The following NRP1 variants were observed in gnomAD, a reference collection of about 807,000 sequenced individuals.
NRP1 encodes neuropilin-1.
NRP1 carries 35 observed loss-of-function variants against 106.7 expected under a neutral mutation model. The ratio of observed to expected loss-of-function variants is 0.33; its 90% CI spans 0.25 to 0.43. NRP1 has a LOEUF of 0.43. NRP1 is among the 20% of genes least tolerant of loss of function. The probability of loss-of-function intolerance (pLI) is 1.00; values close to 1 mark genes in which losing one functional copy is unlikely to be tolerated. For synonymous variants in NRP1, 437 were observed against 417.9 expected, an observed-to-expected ratio of 1.05 and a Z score of -0.56; for missense variants, 1,024 against 1,170.4, an observed-to-expected ratio of 0.87 and a Z score of 1.83.
At chr10:33,223,502 C>A (rs957934013) in intron 7 of NRP1, among the ~76,000 whole-genome samples, 1 of 151,874 alleles carries the variant, frequency 6.6e-6, no homozygotes, top group Middle Eastern at 3.4e-3. Context: ...GTGGTGCATG[C>A]CTGTGGTCTC....
At chr10:33,214,454 C>G (rs1838588487) in intron 8 of NRP1, among the ~76,000 whole-genome samples, 1 of 152,094 alleles carries the variant, frequency 6.6e-6, no homozygotes. Flanking sequence ...TTCCGTTTTG[C>G]TGCCAAATCC....
chr10:33,297,156 G>A (rs1324980400), intron 2 of NRP1, among the ~76,000 whole-genome samples: 1 of 152,180 alleles, frequency 6.6e-6, no homozygotes, highest in African/African-American at 2.4e-5. Context: ...TTAAGTTATG[G>A]TAAATTTAGT....
intron 1 of NRP1, among the ~76,000 whole-genome samples, chr10:33,333,921 A>G (rs1848450425): frequency 6.6e-6 from 1 of 152,360 alleles, no homozygotes; most frequent in South Asian, 2.1e-4. Flanking sequence ...GGAACCAGGA[A>G]GTAAGATCTC....
intron 6 of NRP1, among the ~76,000 whole-genome samples, chr10:33,252,148 C>T (rs1841911748): frequency 6.6e-6 from 1 of 152,060 alleles, no homozygotes; most frequent in Non-Finnish European, 1.5e-5. Context: ...GAGAGCCCAC[C>T]GGTAGAAGAG....
At chr10:33,180,458 T>C in intron 16 of NRP1, 93 bp from the exon 17 acceptor site, 7 of 1,268,626 alleles carry the variant, frequency 5.5e-6, no homozygotes, top group Non-Finnish European at 7.7e-6. Flanking sequence ...CAGGAGCAAA[T>C]CACACACCCC....
intron 2 of NRP1, among the ~76,000 whole-genome samples, chr10:33,279,991 T>C (rs1392048249): frequency 1.3e-5 from 2 of 152,168 alleles, no homozygotes; most frequent in African/African-American, 4.8e-5. Flanking sequence ...CTCTCCTGAT[T>C]GAAGCAAAAC....
intron 3 of NRP1, among the ~76,000 whole-genome samples, chr10:33,264,598 G>A (rs1842793742): frequency 6.6e-6 from 1 of 152,122 alleles, no homozygotes; most frequent in Admixed American, 6.5e-5. Context: ...CATGTTAATA[G>A]ATGTGTGTGT....
At chr10:33,248,079 T>G (rs1333515639) in intron 6 of NRP1, among the ~76,000 whole-genome samples, 1 of 152,058 alleles carries the variant, frequency 6.6e-6, no homozygotes, top group Non-Finnish European at 1.5e-5. Context: ...CTTGAGGCCA[T>G]GAGTTCAAGA....
intron 2 of NRP1, among the ~76,000 whole-genome samples, chr10:33,277,025 A>C (rs949321418): frequency 5.9e-5 from 9 of 151,930 alleles, no homozygotes; most frequent in Non-Finnish European, 7.4e-5. Flanking sequence ...GGATCACTTA[A>C]GCCCAGGAGT....
intron 6 of NRP1, among the ~76,000 whole-genome samples, chr10:33,226,716 T>C (rs1839702881): frequency 6.6e-6 from 1 of 152,172 alleles, no homozygotes; most frequent in Non-Finnish European, 1.5e-5. Context: ...TACCTGGTCT[T>C]TACCTGTACG....
At chr10:33,206,235 T>C (rs544453045) in intron 10 of NRP1, 1 of 519,024 alleles carries the variant, frequency 1.9e-6, no homozygotes, top group Admixed American at 1.9e-5. Context: ...ATGACCACAT[T>C]TCTCCGTGAA....
intron 11 of NRP1, among the ~76,000 whole-genome samples, chr10:33,198,706 A>G (rs938168137): frequency 6.6e-6 from 1 of 152,158 alleles, no homozygotes; most frequent in African/African-American, 2.4e-5. Context: ...TTGCAAGGCT[A>G]GTCCCCACAA....
chr10:33,302,160 C>A (rs913367678), intron 2 of NRP1, among the ~76,000 whole-genome samples: 1 of 152,196 alleles, frequency 6.6e-6, no homozygotes, highest in African/African-American at 2.4e-5. Context: ...AGGAGATGGG[C>A]TAATGGCTTT....
chr10:33,202,711 A>G, intron 11 of NRP1, 180 bp downstream of exon 11: 1 of 1,552,344 alleles, frequency 6.4e-7, no homozygotes, highest in Non-Finnish European at 8.7e-7. Flanking sequence ...GCTATTAAGA[A>G]CAACTCATCT....
At chr10:33,217,182 T>C (rs1198208272) in intron 8 of NRP1, among the ~76,000 whole-genome samples, 2 of 152,152 alleles carry the variant, frequency 1.3e-5, no homozygotes, top group Non-Finnish European at 2.9e-5. Context: ...GATGTTACCA[T>C]TTGGAGGCAA....
rs773185314 is a variant in NRP1 at position 33,202,929 on chromosome 10, T to C, written c.1826A>G (p.Asn609Ser). ...LVDECDDDQANCHSGTGDDFQ... is the reference protein window; with the variant it reads ...LVDECDDDQASCHSGTGDDFQ... ...GTCATCACCTGTTCCACTGTGGCAGTTGGCCTGGTCGTCATCACATTCATC... is the reference window on the plus strand; with the variant it reads ...GTCATCACCTGTTCCACTGTGGCAGCTGGCCTGGTCGTCATCACATTCATC... Residue 609 changes from asparagine to serine, a missense_variant, in exon 11 of 17, where the codon AAC becomes AGC. By Grantham distance (46) the Asn-to-Ser change is conservative (BLOSUM62 1). Transcript: ENST00000374867. 3.0e-5 allele frequency: 49 copies of C among 1,614,080 alleles called. No homozygotes were observed. The highest frequency in any genetic ancestry group is 3.9e-5 in the Non-Finnish European group (46 of 1,180,040).
intron 11 of NRP1, 184 bp downstream of exon 11, chr10:33,202,707 A>C (rs1175129367): frequency 1.3e-6 from 2 of 1,551,868 alleles, no homozygotes; most frequent in South Asian, 2.4e-5. Context: ...TGTGGCTATT[A>C]AGAACAACTC....
intron 9 of NRP1, chr10:33,213,053 A>AG (rs1329275735): frequency 1.7e-6 from 1 of 595,276 alleles, no homozygotes; most frequent in Non-Finnish European, 3.0e-6. Context: ...CAAACGACTG[A>AG]GTGGTATCTG....
chr10:33,282,889 G>A (rs1459283833), intron 2 of NRP1, among the ~76,000 whole-genome samples: 1 of 152,108 alleles, frequency 6.6e-6, no homozygotes, highest in Non-Finnish European at 1.5e-5. Context: ...GGGACCACAG[G>A]TGCCCACCAC....
Sources: allele counts gnomAD v4.1 joint callset (sites outside exome capture counted in the v4.1 genomes callset), GRCh38; gene constraint gnomAD v4.1.1; transcripts MANE v1.5; gene names NCBI Gene and HGNC (gene_info 2026-07-23, HGNC 2026-07-21).